MYOZ2: variants seen among roughly 807,000 people sequenced by gnomAD.
The protein encoded by MYOZ2 is myozenin-2.
Under a neutral mutation model 25.4 loss-of-function variants are expected in MYOZ2, and 19 were observed. The ratio of observed to expected loss-of-function variants is 0.75; its 90% CI spans 0.52 to 1.10. The LOEUF (loss-of-function observed/expected upper bound fraction) is 1.10. MYOZ2 is among the 50% of genes least tolerant of loss of function. The pLI, the probability that MYOZ2 is intolerant of heterozygous loss-of-function variation, is 0.00. For missense variants in MYOZ2, 270 were observed against 317.9 expected (o/e 0.85, Z 1.15); for synonymous variants, 92 against 106.9 (o/e 0.86, Z 0.86).
In MYOZ2 at chr4:119,187,213, CACAA is replaced by C. The variant is rs1319248166; in HGVS notation, c.*1016_*1019del. ...ATATGTAATATATTGACATAAAAGA[CACAA>C]ACTAATATAAAGTTATAGTTATATC... On this transcript the variant is annotated 3_prime_UTR_variant, in exon 6 of 6. Coordinates refer to ENST00000307128, the MANE Select transcript of MYOZ2 (RefSeq NM_016599.5). The C allele has an allele frequency of 6.6e-6, 1 of 152,044 alleles. No homozygotes were observed. The highest frequency in any genetic ancestry group is 1.5e-5 in the Non-Finnish European group (1 of 67,994). 9.4% of individuals were successfully genotyped at this position (152,044 alleles called of 1,614,324 possible).
At chr4:119,160,318 G>GTT (rs36015423) in intron 4 of MYOZ2, among the ~76,000 whole-genome samples, 184 of 148,282 alleles carry the variant, frequency 1.2e-3, no homozygotes, top group Non-Finnish European at 1.5e-3. Context: ...ACTTTTTGGA[G>GTT]TTTTTTTTTT....
rs867010085 is a variant in MYOZ2, at chr4:119,148,679, C to T, written c.77-2193C>T. ...TACTCAGGTTATTATATTTTGAGTT[C>T]TAAAATTTTTGTTTTGTTCTTTATA... On this transcript the variant is annotated intron_variant, in intron 2 of 5. Coordinates refer to ENST00000307128, the MANE Select transcript of MYOZ2 (RefSeq NM_016599.5). Among the ~76,000 whole-genome samples the T allele has an allele frequency of 7.0e-5, 9 of 128,126 alleles. No individual in the cohort carries two copies. In the Middle Eastern group the frequency reaches 0.023, roughly 324 times the overall value. The allele number at this position is 128,126 out of a possible 152,430, so 84.1% of individuals were successfully genotyped here. A position where few individuals can be genotyped will look rare whatever the true frequency, so the allele number is the denominator to read the frequency against.
chr4:119,145,550 T>TGTGTGTGTG (rs1561104817), intron 2 of MYOZ2, among the ~76,000 whole-genome samples: 2,127 of 102,804 alleles, frequency 0.021, 23 homozygotes, highest in Non-Finnish European at 0.024. Context: ...GTGTGTGTGT[T>TGTGTGTGTG]TTTGGTAGAG....
intron 5 of MYOZ2, among the ~76,000 whole-genome samples, chr4:119,169,357 G>T (rs994064636): frequency 6.6e-6 from 1 of 152,092 alleles, no homozygotes; most frequent in East Asian, 1.9e-4. Flanking sequence ...TCCAAAGTAC[G>T]CCTGTAATTA....
intron 2 of MYOZ2, among the ~76,000 whole-genome samples, chr4:119,145,289 A>T (rs2149219682): frequency 6.8e-6 from 1 of 147,756 alleles, no homozygotes; most frequent in African/African-American, 2.5e-5. Context: ...TTCTACGTGT[A>T]TGTGGGATAT....
At position 119,173,903 on chromosome 4, in the gene MYOZ2, C is replaced by T. The variant is rs113412599; in HGVS notation, c.560+9509C>T. On this transcript the variant is annotated intron_variant, in intron 5 of 5. Transcript: ENST00000307128. ...GAGCAGCCAGCCAGCCCTGCCGGCC[C>T]GGGGCAATGAGGGACTTAGCACTCG... Among the ~76,000 whole-genome samples, 606 of 152,344 alleles carry T rather than the reference C, an allele frequency of 4.0e-3. 4 individuals are homozygous for T. The highest frequency in any genetic ancestry group is 0.014 in the African/African-American group (571 of 41,586).
At position 119,150,908 on chromosome 4, in the gene MYOZ2, TC is replaced by T; in HGVS notation, c.117del (p.Arg40GlufsTer42). On this transcript the variant is annotated frameshift_variant, in exon 3 of 6. Transcript: ENST00000307128. LOFTEE classifies it high-confidence loss of function. Reference sequence around the variant, plus strand: ...ATGGACCTGGGCAAAAAGGTCAGCATCCCCAGAGACATCATGTTGGAAGAAT... The same window carrying T: ...ATGGACCTGGGCAAAAAGGTCAGCATCCCAGAGACATCATGTTGGAAGAAT... Reference protein sequence around the residue: ...DGMDLGKKVSIPRDIMLEELS... With the variant: ...DGMDLGKKVSXPRDIMLEELS... 6.2e-7 allele frequency: 1 copy of T among 1,613,956 alleles called. No individual in the cohort carries two copies. The highest frequency in any genetic ancestry group is 8.5e-7 in the Non-Finnish European group (1 of 1,179,890).
At chr4:119,177,660 T>G (rs1742106870) in intron 5 of MYOZ2, among the ~76,000 whole-genome samples, 1 of 152,188 alleles carries the variant, frequency 6.6e-6, no homozygotes, top group Non-Finnish European at 1.5e-5. Flanking sequence ...TTGAGTACAT[T>G]CGGAACCACA....
intron 2 of MYOZ2, among the ~76,000 whole-genome samples, chr4:119,143,954 T>C (rs1004703756): frequency 2.6e-5 from 4 of 152,232 alleles, no homozygotes; most frequent in Admixed American, 1.3e-4. Context: ...TAAGATGTAA[T>C]ACAGGGCTAT....
intron 5 of MYOZ2, among the ~76,000 whole-genome samples, chr4:119,169,868 G>C (rs1374563532): frequency 6.6e-6 from 1 of 152,084 alleles, no homozygotes; most frequent in African/African-American, 2.4e-5. Flanking sequence ...TTGGATAAAG[G>C]CTATCTCCCC....
chr4:119,149,741 A>T (rs1741404341), intron 2 of MYOZ2, among the ~76,000 whole-genome samples: 1 of 152,140 alleles, frequency 6.6e-6, no homozygotes, highest in Non-Finnish European at 1.5e-5. Context: ...ACAGGAAAAA[A>T]CACATCTACT....
chr4:119,163,406 A>T (rs1741750388), intron 4 of MYOZ2, among the ~76,000 whole-genome samples: 1 of 152,216 alleles, frequency 6.6e-6, no homozygotes, highest in Non-Finnish European at 1.5e-5. Flanking sequence ...ACTAGGTAAT[A>T]TGGCAGTGTA....
chr4:119,179,695 T>C (rs1243404688), intron 5 of MYOZ2, among the ~76,000 whole-genome samples: 2 of 152,166 alleles, frequency 1.3e-5, no homozygotes, highest in East Asian at 1.9e-4. Context: ...AGAACAGAAA[T>C]TTATTTCCTC....
At chr4:119,157,938 C>T (rs1177061782) in intron 3 of MYOZ2, 84 bp from the exon 4 acceptor site, 10 of 1,487,910 alleles carry the variant, frequency 6.7e-6, no homozygotes, top group Middle Eastern at 1.8e-4. Context: ...TATAAATATA[C>T]AATTGAAGTT....
intron 5 of MYOZ2, among the ~76,000 whole-genome samples, chr4:119,174,594 G>C (rs548233451): frequency 1.3e-5 from 2 of 152,056 alleles, no homozygotes; most frequent in African/African-American, 2.4e-5. Context: ...CTGATGGGGA[G>C]GTGGAGAACC....
At chr4:119,183,814 C>CT (rs34741874) in intron 5 of MYOZ2, among the ~76,000 whole-genome samples, 83,730 of 138,602 alleles carry the variant, frequency 0.6, 26,447 homozygotes, top group East Asian at 0.72. Context: ...CCACTGTTGT[C>CT]TTTTTTTTTT....
intron 3 of MYOZ2, among the ~76,000 whole-genome samples, chr4:119,152,214 T>G (rs931331804): frequency 6.6e-6 from 1 of 152,128 alleles, no homozygotes; most frequent in Non-Finnish European, 1.5e-5. Context: ...TGAAGAATGA[T>G]TTTTTAATTG....
At chr4:119,139,695 T>C (rs1741118262) in intron 2 of MYOZ2, among the ~76,000 whole-genome samples, 1 of 152,140 alleles carries the variant, frequency 6.6e-6, no homozygotes. Flanking sequence ...ATTGGAATTT[T>C]AAAAACCATA....
chr4:119,139,768 A>G (rs1741120498), intron 2 of MYOZ2, among the ~76,000 whole-genome samples: 1 of 152,162 alleles, frequency 6.6e-6, no homozygotes, highest in South Asian at 2.1e-4. Context: ...AGTTTAGAAT[A>G]AGAGCTTCAT....
Sources: allele counts gnomAD v4.1 joint callset (sites outside exome capture counted in the v4.1 genomes callset), GRCh38; gene constraint gnomAD v4.1.1; transcripts MANE v1.5; gene names NCBI Gene and HGNC (gene_info 2026-07-23, HGNC 2026-07-21).